Variants in PTGDR observed in about 807,000 individuals in gnomAD.
The protein encoded by PTGDR is prostaglandin D2 receptor.
In PTGDR, 19 loss-of-function variants were observed where a neutral mutation model predicts 17.4. The observed-to-expected ratio is 1.09, with a 90% CI of 0.76 to 1.60. The LOEUF (loss-of-function observed/expected upper bound fraction) is 1.60. PTGDR is among the 40% of genes most tolerant of loss of function. The pLI is 0.00. For synonymous variants in PTGDR, 267 were observed against 224.2 expected (o/e 1.19, Z -1.71); for missense variants, 526 against 481.9 (o/e 1.09, Z -0.86).
At chr14:52,269,127 T>C (rs1170705477) in intron 1 of PTGDR, among the ~76,000 whole-genome samples, 2 of 152,206 alleles carry the variant, frequency 1.3e-5, no homozygotes, top group Admixed American at 6.5e-5. Context: ...TGGGACGATC[T>C]TCTCCCCGGT....
Position 52,267,771 on chromosome 14 carries a change from C to T in PTGDR, c.-44C>T. The T allele has an allele frequency of 2.7e-6, 4 of 1,498,118 alleles. No homozygotes were observed. The highest frequency in any genetic ancestry group is 3.6e-6 in the Non-Finnish European group (4 of 1,126,100). 92.8% of individuals were successfully genotyped at this position (1,498,118 alleles called of 1,614,324 possible). A position where few individuals can be genotyped will look rare whatever the true frequency, so the allele number is the denominator to read the frequency against. ...CTTAGCACCCGGGCGCCGGGGCCCTCGCCCTTCCGCAGCCTTCACTCCAGC... is the reference window on the plus strand; with the variant it reads ...CTTAGCACCCGGGCGCCGGGGCCCTTGCCCTTCCGCAGCCTTCACTCCAGC... On this transcript the variant is annotated 5_prime_UTR_variant, in exon 1 of 2. Coordinates refer to ENST00000306051, the MANE Select transcript of PTGDR (RefSeq NM_000953.3).
At chr14:52,280,282 T>TC (rs55793514), downstream of PTGDR, among the ~76,000 whole-genome samples, 43 of 151,980 alleles carry the variant, frequency 2.8e-4, no homozygotes, top group Non-Finnish European at 4.9e-4. Context: ...TACTTTTTAT[T>TC]CCCCCCAAAT....
chr14:52,278,474 G>A (rs1324730880), downstream of PTGDR, among the ~76,000 whole-genome samples: 1 of 152,080 alleles, frequency 6.6e-6, no homozygotes, highest in African/African-American at 2.4e-5. Context: ...TTGTGGGGTG[G>A]GGGGAGCTGG....
chr14:52,270,186 C>T (rs1365981445), intron 1 of PTGDR, among the ~76,000 whole-genome samples: 1 of 152,288 alleles, frequency 6.6e-6, no homozygotes, highest in African/African-American at 2.4e-5. Context: ...GAGCCAAATA[C>T]TATTTCAAGA....
chr14:52,272,293 C>A (rs2033335940), intron 1 of PTGDR, among the ~76,000 whole-genome samples: 2 of 152,024 alleles, frequency 1.3e-5, no homozygotes, highest in South Asian at 2.1e-4. Flanking sequence ...CACAGTGAGA[C>A]CCTGCCTCTA....
rs187903098 is a variant in PTGDR at position 52,268,181 on chromosome 14, C to A, written c.367C>A (p.Leu123Ile). The A allele has an allele frequency of 6.1e-4, 982 of 1,614,182 alleles. 1 individual carries two copies. Among genetic ancestry groups the A allele is most frequent in the Non-Finnish European group, 7.8e-4 (926 of 1,180,042 alleles). ...SFFGLSSTLQ[L>I]LAMALECWLS... is the part of the protein sequence containing the mutation. Reference sequence around the variant, plus strand: ...CTTTGGGCTCTCCTCGACACTGCAACTCCTGGCCATGGCACTGGAGTGCTG... The same window carrying A: ...CTTTGGGCTCTCCTCGACACTGCAAATCCTGGCCATGGCACTGGAGTGCTG... Residue 123 changes from leucine (L) to isoleucine (I), a missense_variant, in exon 1 of 2, where the codon CTC becomes ATC. Coordinates refer to ENST00000306051, the MANE Select transcript of PTGDR (RefSeq NM_000953.3).
Sources: gnomAD v4.1 joint callset for allele counts (sites outside exome capture counted in the v4.1 genomes callset) on GRCh38, gnomAD v4.1.1 for gene constraint, MANE v1.5 for transcripts, NCBI Gene and HGNC (gene_info 2026-07-23, HGNC 2026-07-21) for gene names.